NAA25: variants seen among roughly 807,000 people sequenced by gnomAD.
The protein encoded by NAA25 is N-alpha-acetyltransferase 25, NatB auxiliary subunit.
A neutral mutation model predicts 132.5 loss-of-function variants in NAA25; 30 were observed. That is an observed-to-expected ratio of 0.23 (90% CI 0.17 to 0.31). The LOEUF (loss-of-function observed/expected upper bound fraction) is 0.31. Among genes scored for constraint, NAA25 ranks in the 10% least tolerant of loss-of-function variants. The pLI is 1.00. For synonymous variants in NAA25, 359 were observed against 401.9 expected (o/e 0.89, Z 1.28); for missense variants, 771 against 1,150.4 (o/e 0.67, Z 4.77).
intron 11 of NAA25, among the ~76,000 whole-genome samples, chr12:112,068,213 C>T (rs2078747754): frequency 6.6e-6 from 1 of 152,056 alleles, no homozygotes. Flanking sequence ...CTGTACTTCA[C>T]ATTCAAAAAA....
Position 112,028,619 on chromosome 12 carries a change from C to CAT in NAA25, c.*910_*911dup, listed in dbSNP as rs1374754207. 4.6e-5 allele frequency: 7 copies of CAT among 151,888 alleles called. No homozygotes were observed. The highest frequency in any genetic ancestry group is 3.9e-4 in the East Asian group (2 of 5,186). The allele number at this position is 151,888 out of a possible 1,614,324, so 9.4% of individuals were successfully genotyped here. A position where few individuals can be genotyped will look rare whatever the true frequency, so the allele number is the denominator to read the frequency against. ...AAGTATTAAATCTTAATTTTCAAGT[C>CAT]ATATATATATGTGTATATATATATA... On this transcript the variant is annotated 3_prime_UTR_variant, in exon 24 of 24. Transcript: ENST00000261745.
intron 17 of NAA25, among the ~76,000 whole-genome samples, chr12:112,046,027 T>C (rs2078376016): frequency 6.6e-6 from 1 of 152,226 alleles, no homozygotes; most frequent in Non-Finnish European, 1.5e-5. Context: ...CTATTATCGT[T>C]AGAAAGGCCT....
At chr12:112,041,449 A>C (rs1218513354) in intron 20 of NAA25, among the ~76,000 whole-genome samples, 1 of 152,004 alleles carries the variant, frequency 6.6e-6, no homozygotes, top group Non-Finnish European at 1.5e-5. Flanking sequence ...CAGCCTCCCA[A>C]AGTGCTGGGA....
intron 5 of NAA25, among the ~76,000 whole-genome samples, chr12:112,079,268 A>G (rs1204440601): frequency 7.2e-5 from 11 of 152,182 alleles, no homozygotes; most frequent in African/African-American, 1.9e-4. Flanking sequence ...TTCAAGGTAG[A>G]TATTATGCTT....
At chr12:112,101,972 T>C (rs1340371405) in intron 1 of NAA25, among the ~76,000 whole-genome samples, 1 of 151,262 alleles carries the variant, frequency 6.6e-6, no homozygotes, top group Non-Finnish European at 1.5e-5. Flanking sequence ...GTTCAAGCTA[T>C]TCTCCTGCCT....
intron 23 of NAA25, among the ~76,000 whole-genome samples, chr12:112,030,104 T>C (rs745533333): frequency 6.7e-6 from 1 of 150,318 alleles, no homozygotes; most frequent in African/African-American, 2.5e-5. Context: ...TCCCAGCTAC[T>C]TGGGAAGCTG....
intron 1 of NAA25, among the ~76,000 whole-genome samples, chr12:112,093,533 C>T (rs1337193036): frequency 1.3e-5 from 2 of 151,636 alleles, no homozygotes; most frequent in Non-Finnish European, 2.9e-5. Flanking sequence ...ACAGTGACAC[C>T]CTGCCTCAGA....
chr12:112,058,296 G>C (rs915453456), intron 13 of NAA25, among the ~76,000 whole-genome samples: 2 of 152,170 alleles, frequency 1.3e-5, no homozygotes, highest in African/African-American at 4.8e-5. Flanking sequence ...TTAGATGAGG[G>C]AGGTAAGAAA....
At position 112,079,510 on chromosome 12, in the gene NAA25, G is replaced by A. The variant is rs1273835597; in HGVS notation, c.478-769C>T. Among the ~76,000 whole-genome samples the A allele has an allele frequency of 2.0e-5, 3 of 151,648 alleles. No individual in the cohort carries two copies. In the East Asian group the frequency reaches 5.8e-4, roughly 29 times the overall value. ...CTTGGGAGGCTGAGACATGAGAATC[G>A]CTTGAACCTAGGAGGTGCAGTAAGC... On this transcript the variant is annotated intron_variant, in intron 5 of 23. Transcript: ENST00000261745.
chr12:112,087,263 G>C (rs944255552), intron 4 of NAA25, among the ~76,000 whole-genome samples: 2 of 152,004 alleles, frequency 1.3e-5, no homozygotes, highest in African/African-American at 4.8e-5. Flanking sequence ...TTTTCCCCCT[G>C]GTGGACTTAA....
intron 9 of NAA25, among the ~76,000 whole-genome samples, chr12:112,074,374 GA>G (rs1362567110): frequency 7.8e-6 from 1 of 128,612 alleles, no homozygotes; most frequent in African/African-American, 2.9e-5. Context: ...AGGAGAAAAA[GA>G]AAAATTATCT....
chr12:112,054,492 G>T lies in NAA25; in HGVS notation c.1524C>A (p.Phe508Leu), dbSNP rs778770605. The change falls in exon 14 of 24, where the codon TTC becomes TTA. Residue 508 changes from phenylalanine (F) to leucine (L), a missense_variant. Physicochemically the swap from Phe to Leu is conservative, Grantham distance 22. Transcript: ENST00000261745. The stretch of plus-strand genomic sequence containing the variant: ...AGTAGATTCGAACAAGCAGCAATTT[G>T]AACTGAGCATTGGAAGGGCTATGGG... ...GLTHSPSNAQFKLLLVRIYCM... is the reference protein window; with the variant it reads ...GLTHSPSNAQLKLLLVRIYCM... 6.2e-7 allele frequency: 1 copy of T among 1,614,156 alleles called. No individual in the cohort carries two copies. Among genetic ancestry groups the T allele is most frequent in the Admixed American group, 1.7e-5 (1 of 60,018 alleles).
In NAA25 at chr12:112,054,657, A is replaced by C. The variant is rs1593772036; in HGVS notation, c.1448-89T>G. Reference sequence around the variant, plus strand: ...AAAACAAAACCTTATTGACATCATCACCCCCCCCAATAAATGAAGTTAAAT... The same window carrying C: ...AAAACAAAACCTTATTGACATCATCCCCCCCCCCAATAAATGAAGTTAAAT... On this transcript the variant is annotated intron_variant, in intron 13 of 23. Transcript: ENST00000261745. The C allele has an allele frequency of 6.2e-6, 7 of 1,135,392 alleles. No homozygotes were observed. The East Asian group carries it at 7.8e-5, about 13-fold the overall frequency. The allele number at this position is 1,135,392 out of a possible 1,614,324, so 70.3% of individuals were successfully genotyped here.
Position 112,047,790 on chromosome 12 carries a change from T to C in NAA25, c.1881A>G (p.Ile627Met), listed in dbSNP as rs776329313. 2 of 1,599,536 alleles carry C rather than the reference T, an allele frequency of 1.3e-6. No homozygotes were observed. Among genetic ancestry groups the C allele is most frequent in the Non-Finnish European group, 1.7e-6 (2 of 1,175,978 alleles). ...TTATACTTTCTGCTAAACTGGTTGA[T>C]CTGTGATAGAGAAAAATCCACATAT... is the stretch of plus-strand genomic sequence containing the variant. The part of the protein sequence containing the change: ...MLLDLLLEAN[I>M]STSLAESIKS... The change falls in exon 17 of 24, where the codon ATA (isoleucine) becomes ATG (methionine). Residue 627 changes from isoleucine to methionine, a missense_variant and splice_region_variant. Coordinates refer to ENST00000261745, the MANE Select transcript of NAA25 (RefSeq NM_024953.4).
chr12:112,081,680 T>C (rs1417591362), intron 4 of NAA25, among the ~76,000 whole-genome samples: 1 of 152,180 alleles, frequency 6.6e-6, no homozygotes, highest in African/African-American at 2.4e-5. Context: ...AGAACATGCT[T>C]TTAAAAAAGA....
chr12:112,048,218 C>A, intron 16 of NAA25, 74 bp downstream of exon 16: 1 of 1,426,792 alleles, frequency 7.0e-7, no homozygotes, highest in Admixed American at 2.0e-5. Context: ...CCAATAACAC[C>A]CATGAGCCCA....
At chr12:112,081,831 C>T (rs1307434356) in intron 4 of NAA25, among the ~76,000 whole-genome samples, 2 of 152,104 alleles carry the variant, frequency 1.3e-5, no homozygotes, top group Admixed American at 1.3e-4. Flanking sequence ...ACATGGAGGT[C>T]CTATGAAGTA....
intron 1 of NAA25, among the ~76,000 whole-genome samples, chr12:112,105,642 T>C (rs2079352380): frequency 6.6e-6 from 1 of 152,180 alleles, no homozygotes; most frequent in Non-Finnish European, 1.5e-5. Flanking sequence ...CAGCAAGAGC[T>C]GAGGCCCCAA....
At chr12:112,100,269 C>A (rs112355658) in intron 1 of NAA25, among the ~76,000 whole-genome samples, 1 of 152,260 alleles carries the variant, frequency 6.6e-6, no homozygotes, top group Non-Finnish European at 1.5e-5. Flanking sequence ...TCAAGTGATT[C>A]TCCTGCCTCA....
Sources: allele counts gnomAD v4.1 joint callset (sites outside exome capture counted in the v4.1 genomes callset), GRCh38; gene constraint gnomAD v4.1.1; transcripts MANE v1.5; gene names NCBI Gene and HGNC (gene_info 2026-07-23, HGNC 2026-07-21).